The following MCC variants were observed in gnomAD, a reference collection of about 807,000 sequenced individuals.
The protein encoded by MCC is colorectal mutant cancer protein.
In MCC, 90 loss-of-function variants were observed where a neutral mutation model predicts 116.2. The observed-to-expected ratio is 0.77, with a 90% CI of 0.65 to 0.92. The LOEUF is 0.92. MCC is among the 40% of genes least tolerant of loss of function. The probability of loss-of-function intolerance (pLI) is 0.00; values close to 1 mark genes in which losing one functional copy is unlikely to be tolerated. For synonymous variants in MCC, 578 were observed against 510.5 expected (o/e 1.13, Z -1.78); for missense variants, 1,516 against 1,312.2 (o/e 1.16, Z -2.40).
chr5:113,272,639 C>T (rs1765657898), intron 3 of MCC, among the ~76,000 whole-genome samples: 2 of 152,172 alleles, frequency 1.3e-5, no homozygotes, highest in South Asian at 4.2e-4. Context: ...AACAGCTAAC[C>T]TAGAAACAGG....
intron 8 of MCC, among the ~76,000 whole-genome samples, chr5:113,093,721 C>G (rs1561803349): frequency 2.6e-5 from 4 of 151,954 alleles, no homozygotes. Context: ...TGTGGGAGCA[C>G]AGACAAGAGT....
Position 113,022,219 on chromosome 5 carries a change from A to C in MCC, c.*5083T>G, listed in dbSNP as rs1750187115. ...AATTCTATATCAAATAACGCAAAGT[A>C]GCTATTTTACAGCAGCTAAAACTAA... On this transcript the variant is annotated 3_prime_UTR_variant, in exon 19 of 19. Coordinates refer to ENST00000408903, the MANE Select transcript of MCC (RefSeq NM_001085377.2). 1 of 152,700 alleles carries C rather than the reference A, an allele frequency of 6.5e-6. No homozygotes were observed. The allele number at this position is 152,700 out of a possible 1,614,324, so 9.5% of individuals were successfully genotyped here. A position where few individuals can be genotyped will look rare whatever the true frequency, so the allele number is the denominator to read the frequency against.
intron 8 of MCC, among the ~76,000 whole-genome samples, chr5:113,092,918 T>C (rs1047200213): frequency 2.6e-5 from 4 of 152,186 alleles, no homozygotes; most frequent in Non-Finnish European, 2.9e-5. Flanking sequence ...CCCCGGAGCA[T>C]TGTTTGTGGT....
chr5:113,085,442 C>A, intron 8 of MCC, 132 bp from the exon 9 acceptor site: 4 of 801,342 alleles, frequency 5.0e-6, no homozygotes, highest in South Asian at 1.8e-5. Context: ...TTGGTTGAGT[C>A]CACATAAAAG....
chr5:113,080,068 G>A (rs895753223), intron 11 of MCC, among the ~76,000 whole-genome samples: 26 of 152,182 alleles, frequency 1.7e-4, no homozygotes, highest in African/African-American at 5.8e-4. Context: ...AGCATCACTG[G>A]CCATCAGAGA....
intron 2 of MCC, among the ~76,000 whole-genome samples, chr5:113,371,174 T>C (rs762143216): frequency 2.0e-5 from 3 of 152,168 alleles, no homozygotes; most frequent in Non-Finnish European, 4.4e-5. Flanking sequence ...TGAGCCAAGG[T>C]TGTGCCACTG....
intron 3 of MCC, among the ~76,000 whole-genome samples, chr5:113,260,204 T>A (rs1022531484): frequency 6.6e-6 from 1 of 152,192 alleles, no homozygotes; most frequent in Non-Finnish European, 1.5e-5. Context: ...TTATGTGGGT[T>A]ATATCCACTG....
chr5:113,146,495 T>C (rs1373375820), intron 4 of MCC, among the ~76,000 whole-genome samples: 3 of 151,586 alleles, frequency 2.0e-5, no homozygotes, highest in African/African-American at 7.3e-5. Flanking sequence ...GCATGAATGT[T>C]AGGCCTTATG....
chr5:113,154,128 A>G (rs960266415), intron 3 of MCC, among the ~76,000 whole-genome samples: 2 of 152,182 alleles, frequency 1.3e-5, no homozygotes, highest in Non-Finnish European at 2.9e-5. Context: ...TTGTTTGGGT[A>G]CTTTTTGTTT....
At chr5:113,244,739 A>G (rs1204244696) in intron 3 of MCC, among the ~76,000 whole-genome samples, 3 of 152,206 alleles carry the variant, frequency 2.0e-5, no homozygotes, top group Non-Finnish European at 4.4e-5. Context: ...AAAGATAGCT[A>G]AACAATAGGA....
intron 3 of MCC, among the ~76,000 whole-genome samples, chr5:113,261,535 G>A (rs1765218554): frequency 6.6e-6 from 1 of 152,128 alleles, no homozygotes; most frequent in African/African-American, 2.4e-5. Flanking sequence ...TACCCAGAGG[G>A]CAGGTATTTA....
chr5:113,121,826 G>A (rs143094115), intron 6 of MCC, among the ~76,000 whole-genome samples: 4 of 150,868 alleles, frequency 2.7e-5, no homozygotes, highest in African/African-American at 9.9e-5. Context: ...CCTAAGATAT[G>A]CTGCTCCTCC....
chr5:113,306,872 G>C (rs1438303784), intron 3 of MCC, among the ~76,000 whole-genome samples: 1 of 151,528 alleles, frequency 6.6e-6, no homozygotes, highest in Non-Finnish European at 1.5e-5. Context: ...TGAGGTCAAT[G>C]ATCCATTTTT....
At chr5:113,062,853 C>G (rs971885500) in intron 14 of MCC, among the ~76,000 whole-genome samples, 1 of 152,110 alleles carries the variant, frequency 6.6e-6, no homozygotes, top group Non-Finnish European at 1.5e-5. Context: ...CGGGTCCCAC[C>G]AGGGGAGAAA....
intron 1 of MCC, among the ~76,000 whole-genome samples, chr5:113,451,293 G>C (rs1441468928): frequency 6.6e-6 from 1 of 152,204 alleles, no homozygotes; most frequent in Non-Finnish European, 1.5e-5. Flanking sequence ...GATCTTTTAG[G>C]AAGAGATGAA....
intron 5 of MCC, among the ~76,000 whole-genome samples, chr5:113,142,440 A>G (rs1460309570): frequency 6.6e-6 from 1 of 151,934 alleles, no homozygotes; most frequent in Admixed American, 6.6e-5. Flanking sequence ...GATACAACCA[A>G]CTAATCACTG....
At chr5:113,367,635 G>T (rs1007895589) in intron 2 of MCC, among the ~76,000 whole-genome samples, 17 of 94,876 alleles carry the variant, frequency 1.8e-4, no homozygotes, top group Middle Eastern at 7.9e-3. Context: ...AGGGTGGGGG[G>T]GGGGAAGAGA....
chr5:113,094,667 G>A (rs1490408592), intron 8 of MCC, among the ~76,000 whole-genome samples: 1 of 152,094 alleles, frequency 6.6e-6, no homozygotes, highest in Admixed American at 6.5e-5. Context: ...TGACCCACCC[G>A]CCTCAGCCTC....
chr5:113,076,715 G>T (rs1220302862), intron 11 of MCC, among the ~76,000 whole-genome samples: 1 of 152,184 alleles, frequency 6.6e-6, no homozygotes, highest in Non-Finnish European at 1.5e-5. Context: ...ATGCCAAATT[G>T]TAAAGACCAT....
Sources: allele counts gnomAD v4.1 joint callset (sites outside exome capture counted in the v4.1 genomes callset), GRCh38; gene constraint gnomAD v4.1.1; transcripts MANE v1.5; gene names NCBI Gene and HGNC (gene_info 2026-07-23, HGNC 2026-07-21).